The following RIC1 variants were observed in gnomAD, a reference collection of about 807,000 sequenced individuals.
RIC1 encodes the protein guanine nucleotide exchange factor subunit RIC1.
Under a neutral mutation model 169.0 loss-of-function variants are expected in RIC1, and 88 were observed. The observed-to-expected ratio is 0.52, with a 90% CI of 0.44 to 0.62. The LOEUF is 0.62. RIC1 is among the 20% of genes least tolerant of loss of function. The pLI is 0.00. For missense variants in RIC1, 1,877 were observed against 1,725.5 expected (o/e 1.09, Z -1.56); for synonymous variants, 790 against 601.5 (o/e 1.31, Z -4.59).
intron 3 of RIC1, among the ~76,000 whole-genome samples, chr9:5,695,312 G>A (rs1011961300): frequency 6.6e-6 from 1 of 152,264 alleles, no homozygotes; most frequent in African/African-American, 2.4e-5. Flanking sequence ...TTTATTAGCT[G>A]TAAAAATGAA....
chr9:5,665,085 C>T (rs1183474794), intron 2 of RIC1, among the ~76,000 whole-genome samples: 2 of 151,698 alleles, frequency 1.3e-5, no homozygotes, highest in Non-Finnish European at 2.9e-5. Context: ...CTTTGTGAAT[C>T]TGGGTGTTCC....
intron 2 of RIC1, among the ~76,000 whole-genome samples, chr9:5,682,679 G>T (rs911136146): frequency 1.4e-4 from 22 of 152,104 alleles, no homozygotes; most frequent in Admixed American, 1.2e-3. Flanking sequence ...GGCGTTCTCT[G>T]TATTTCCTGA....
intron 12 of RIC1, among the ~76,000 whole-genome samples, chr9:5,749,958 T>C (rs1242650372): frequency 6.6e-6 from 1 of 151,716 alleles, no homozygotes; most frequent in Admixed American, 6.6e-5. Context: ...TTTGTATTTT[T>C]AGTAGAGACG....
chr9:5,713,371 T>G (rs1164184914), intron 3 of RIC1: 1 of 152,412 alleles, frequency 6.6e-6, no homozygotes, highest in Non-Finnish European at 1.5e-5. Flanking sequence ...TTTTAGGTAT[T>G]TAGCTACTTA....
chr9:5,753,365 G>C (rs529397069), intron 13 of RIC1, 127 bp downstream of exon 13: 8 of 896,174 alleles, frequency 8.9e-6, no homozygotes, highest in South Asian at 7.3e-5. Flanking sequence ...AACATTGCTA[G>C]TATATTAACA....
At chr9:5,684,515 A>C (rs570281700) in intron 2 of RIC1, among the ~76,000 whole-genome samples, 1 of 151,890 alleles carries the variant, frequency 6.6e-6, no homozygotes, top group Non-Finnish European at 1.5e-5. Flanking sequence ...CACAACTTTA[A>C]TGTTACTGAT....
chr9:5,686,770 A>C (rs973618158), intron 2 of RIC1, among the ~76,000 whole-genome samples: 2 of 150,662 alleles, frequency 1.3e-5, no homozygotes, highest in Non-Finnish European at 2.9e-5. Flanking sequence ...TAAAACTTAA[A>C]GTATAATAAT....
At chr9:5,712,650 A>G (rs1419976346) in intron 3 of RIC1, among the ~76,000 whole-genome samples, 2 of 152,214 alleles carry the variant, frequency 1.3e-5, no homozygotes, top group East Asian at 1.9e-4. Flanking sequence ...TAACTTCTGT[A>G]TATATATTAC....
At chr9:5,685,345 C>A (rs1821152055) in intron 2 of RIC1, among the ~76,000 whole-genome samples, 1 of 151,672 alleles carries the variant, frequency 6.6e-6, no homozygotes, top group South Asian at 2.1e-4. Flanking sequence ...AAGAACAAAG[C>A]TGGAGGCATC....
intron 12 of RIC1, chr9:5,748,598 A>C (rs149150471): frequency 3.9e-5 from 6 of 152,702 alleles, no homozygotes; most frequent in African/African-American, 1.4e-4. Flanking sequence ...TTTCTCTGCT[A>C]TTTTCATTTC....
At chr9:5,662,959 G>A (rs140753150) in intron 2 of RIC1, among the ~76,000 whole-genome samples, 304 of 152,250 alleles carry the variant, frequency 2.0e-3, no homozygotes, top group African/African-American at 6.8e-3. Context: ...GCTTTTTGAT[G>A]TGGGCATGTA....
intron 2 of RIC1, among the ~76,000 whole-genome samples, chr9:5,677,827 C>T (rs776582718): frequency 8.6e-5 from 13 of 151,902 alleles, no homozygotes; most frequent in Non-Finnish European, 1.8e-4. Context: ...ACATTTTTCT[C>T]ACCATGTTTA....
Position 5,723,116 on chromosome 9 carries a change from C to T in RIC1, c.720+2366C>T, listed in dbSNP as rs141580755. 2.9e-4 allele frequency among the ~76,000 whole-genome samples: 44 copies of T among 152,342 alleles called. 1 individual carries two copies. In the East Asian group the frequency reaches 7.1e-3, roughly 25 times the overall value. ...CAAATGATATTTCTAGTTTTAGATC[C>T]TTGAAGAATCGCCACACTGTCTTCC... On this transcript the variant is annotated intron_variant, in intron 6 of 25. Coordinates refer to ENST00000414202, the MANE Select transcript of RIC1 (RefSeq NM_020829.4).
chr9:5,732,399 A>T lies in RIC1; in HGVS notation c.732A>T (p.Gly244=). ...TTTCTTTATTATAGCAGCTTCATGG[A>T]GTTTGGCCACAAGATGTTGTTGACG... ...SSRFTAEQLH[G]VWPQDVVDGT... is the part of the protein sequence containing the mutation. Residue 244 remains glycine, a synonymous_variant, in exon 7 of 26, where the codon GGA becomes GGT. Transcript: ENST00000414202. 6.2e-7 allele frequency: 1 copy of T among 1,608,586 alleles called. No individual in the cohort carries two copies. Among genetic ancestry groups the T allele is most frequent in the Non-Finnish European group, 8.5e-7 (1 of 1,177,504 alleles).
At chr9:5,675,712 A>G (rs1820401131) in intron 2 of RIC1, among the ~76,000 whole-genome samples, 1 of 152,194 alleles carries the variant, frequency 6.6e-6, no homozygotes, top group South Asian at 2.1e-4. Flanking sequence ...GGAAAAATGT[A>G]CATACAAAAT....
intron 1 of RIC1, among the ~76,000 whole-genome samples, chr9:5,635,229 C>G (rs569709192): frequency 6.6e-6 from 1 of 152,306 alleles, no homozygotes; most frequent in African/African-American, 2.4e-5. Context: ...ATCTGCCCAT[C>G]TCAGCCTCCT....
At chr9:5,647,905 T>C (rs1007225785) in intron 1 of RIC1, among the ~76,000 whole-genome samples, 1 of 151,388 alleles carries the variant, frequency 6.6e-6, no homozygotes, top group Non-Finnish European at 1.5e-5. Flanking sequence ...TTGTTTTTGT[T>C]TGTTTGTTTT....
intron 3 of RIC1, among the ~76,000 whole-genome samples, chr9:5,697,880 A>T (rs955124123): frequency 6.6e-6 from 1 of 152,214 alleles, no homozygotes; most frequent in African/African-American, 2.4e-5. Context: ...ATGGCAATAT[A>T]AAATAACAGA....
downstream of RIC1, chr9:5,776,627 T>C (rs1367366426): frequency 6.6e-6 from 1 of 152,066 alleles, no homozygotes; most frequent in East Asian, 1.9e-4. Context: ...TTCTGCTTCT[T>C]AGAATTTTCC....
Sources: allele counts gnomAD v4.1 joint callset (sites outside exome capture counted in the v4.1 genomes callset), GRCh38; gene constraint gnomAD v4.1.1; transcripts MANE v1.5; gene names NCBI Gene and HGNC (gene_info 2026-07-23, HGNC 2026-07-21).